MCF2L: variants seen among roughly 807,000 people sequenced by gnomAD.
The protein encoded by MCF2L is guanine nucleotide exchange factor DBS.
In MCF2L, 97 loss-of-function variants were observed where a neutral mutation model predicts 153.4. That is an observed-to-expected ratio of 0.63 (90% CI 0.54 to 0.75). The LOEUF (loss-of-function observed/expected upper bound fraction) is 0.75, where lower values mean the gene tolerates loss of function less well. MCF2L is among the 30% of genes least tolerant of loss of function. The pLI is 0.00. For missense variants in MCF2L, 1,347 were observed against 1,495.2 expected, an observed-to-expected ratio of 0.90 and a Z score of 1.64; for synonymous variants, 659 against 632.2, an observed-to-expected ratio of 1.04 and a Z score of -0.64.
intron 2 of MCF2L, among the ~76,000 whole-genome samples, chr13:112,954,706 C>T (rs1193232906): frequency 6.6e-6 from 1 of 152,238 alleles, no homozygotes; most frequent in Non-Finnish European, 1.5e-5. Context: ...AGAACAGCTG[C>T]TCCAGGACCT....
chr13:112,975,824 C>T (rs2082194734), intron 1 of MCF2L, among the ~76,000 whole-genome samples: 1 of 152,242 alleles, frequency 6.6e-6, no homozygotes, highest in Non-Finnish European at 1.5e-5. Flanking sequence ...ATAGAGGTGA[C>T]ATCCGTGGTC....
At chr13:112,912,500 A>T (rs1471203655) in intron 2 of MCF2L, among the ~76,000 whole-genome samples, 1 of 152,028 alleles carries the variant, frequency 6.6e-6, no homozygotes, top group Non-Finnish European at 1.5e-5. Context: ...TATTTTTAGT[A>T]GAGACGGGGT....
intron 1 of MCF2L, among the ~76,000 whole-genome samples, chr13:113,003,263 G>A (rs1002591073): frequency 1.3e-5 from 2 of 151,546 alleles, no homozygotes; most frequent in African/African-American, 4.8e-5. Flanking sequence ...GGGTTTTGGG[G>A]TTGGCTTTGG....
intron 2 of MCF2L, chr13:112,917,264 G>C: frequency 2.2e-6 from 1 of 448,946 alleles, no homozygotes; most frequent in South Asian, 1.6e-5. Context: ...CCAGAGCCGC[G>C]TCATCCACTG....
chr13:113,041,943 T>G (rs1420212317), intron 3 of MCF2L, among the ~76,000 whole-genome samples: 6 of 152,172 alleles, frequency 3.9e-5, no homozygotes, highest in Admixed American at 1.3e-4. Flanking sequence ...GCTATGTGAC[T>G]TTGGGCAAGT....
At chr13:112,919,254 G>A (rs2081328800) in intron 2 of MCF2L, among the ~76,000 whole-genome samples, 1 of 133,502 alleles carries the variant, frequency 7.5e-6, no homozygotes, top group Admixed American at 8.6e-5. Context: ...CGCCCAGGCT[G>A]GAGTGCAGTG....
intron 1 of MCF2L, chr13:112,979,577 TG>T (rs1301424213): frequency 6.3e-6 from 10 of 1,585,984 alleles, no homozygotes; most frequent in Middle Eastern, 3.9e-4. Flanking sequence ...CCGAAGGCTG[TG>T]GCTCTAGCAT....
rs890469104 is a variant in MCF2L at position 112,926,910 on chromosome 13, T to C, written c.169+24539T>C. Among the ~76,000 whole-genome samples the C allele has an allele frequency of 6.1e-4, 93 of 152,202 alleles. 1 individual carries two copies. Among genetic ancestry groups the C allele is most frequent in the Admixed American group, 1.2e-3 (18 of 15,286 alleles). ...GAGTAGATTTAAGTGTTCCCACCAC[T>C]AAGAAATAAGCATATGAGTTAAGAC... On this transcript the variant is annotated intron_variant, in intron 2 of 29. Coordinates refer to the MCF2L transcript ENST00000375608.
intron 13 of MCF2L, 106 bp downstream of exon 13, chr13:113,077,317 A>C: frequency 2.3e-6 from 3 of 1,284,016 alleles, no homozygotes; most frequent in Non-Finnish European, 3.1e-6. Flanking sequence ...AACTGTCTCC[A>C]CACGCCTCCT....
chr13:112,899,326 C>A (rs2140489380), intron 1 of MCF2L, among the ~76,000 whole-genome samples: 1 of 152,338 alleles, frequency 6.6e-6, no homozygotes, highest in South Asian at 2.1e-4. Context: ...GACGGCTTCT[C>A]AAGGTTTTGC....
chr13:112,917,674 CT>C (rs2081308922), intron 2 of MCF2L: 1 of 167,198 alleles, frequency 6.0e-6, no homozygotes, highest in African/African-American at 2.4e-5. Flanking sequence ...GCAGTTCCCC[CT>C]GATGTTCTTT....
rs1340148524 is a variant in MCF2L, at chr13:112,943,894, G to A, written c.169+41523G>A. 6.6e-6 allele frequency among the ~76,000 whole-genome samples: 1 copy of A among 151,744 alleles called. No homozygotes were observed. Among genetic ancestry groups the A allele is most frequent in the Non-Finnish European group, 1.5e-5 (1 of 67,988 alleles). On this transcript the variant is annotated intron_variant, in intron 2 of 29. Transcript: ENST00000375608. The surrounding 1 kb of genome is among the most constrained non-coding windows in gnomAD (Gnocchi z 4.2). ...GGCCCCGAGAACTGAGAACTGAGAG[G>A]GAGACGCTCTCGGGCCTCTCAGACC...
At chr13:112,920,245 A>G (rs1424445435) in intron 2 of MCF2L, among the ~76,000 whole-genome samples, 1 of 152,186 alleles carries the variant, frequency 6.6e-6, no homozygotes, top group East Asian at 1.9e-4. Context: ...GTGTCTGTAG[A>G]GTACAGTTCT....
Position 112,951,267 on chromosome 13 carries a change from G to A in MCF2L, c.169+48896G>A, listed in dbSNP as rs1206166717. ...AAGTTGCTGGTGGGAATGTAAAATAGTATAGCCACTTTGGAAAACAATTTA... is the reference window on the plus strand; with the variant it reads ...AAGTTGCTGGTGGGAATGTAAAATAATATAGCCACTTTGGAAAACAATTTA... On this transcript the variant is annotated intron_variant, in intron 2 of 29. Coordinates refer to the MCF2L transcript ENST00000375608. This position sits in a 1 kb window ranked among gnomAD's most constrained non-coding sequence, Gnocchi z 4.8. 6.6e-6 allele frequency among the ~76,000 whole-genome samples: 1 copy of A among 152,188 alleles called. No homozygotes were observed. The highest frequency in any genetic ancestry group is 2.4e-5 in the African/African-American group (1 of 41,456).
At chr13:112,985,103 G>A (rs2082580884) in intron 1 of MCF2L, 8 of 279,928 alleles carry the variant, frequency 2.9e-5, no homozygotes, top group South Asian at 2.3e-4. Context: ...GGCAAGAATA[G>A]CTCAGGCTTG....
intron 2 of MCF2L, chr13:112,917,019 A>G (rs2081299422): frequency 6.4e-6 from 3 of 466,406 alleles, no homozygotes; most frequent in Non-Finnish European, 8.9e-6. Flanking sequence ...ATCCTCCCTC[A>G]TCGCCAAGTC....
Position 113,075,143 on chromosome 13 carries a change from G to T in MCF2L, c.1262G>T (p.Arg421Met), listed in dbSNP as rs773598641. 6.2e-7 allele frequency: 1 copy of T among 1,612,328 alleles called. No individual in the cohort carries two copies. The highest frequency in any genetic ancestry group is 1.7e-5 in the Admixed American group (1 of 60,018). The stretch of plus-strand genomic sequence containing the variant: ...TTCTCTGCGGAGATCGCAAGGAGGA[G>T]GGGGCTGCTCAGCAAGTCCCTGGAG... ...DQFSAEIARR[R>M]GLLSKSLELH... Residue 421 changes from arginine (R) to methionine (M), a missense_variant, in exon 11 of 30, where the codon AGG (arginine) becomes ATG (methionine). Arg to Met is a moderately conservative substitution (Grantham distance 91). Transcript: ENST00000535094.
At chr13:113,032,896 C>A (rs2085815027) in intron 3 of MCF2L, among the ~76,000 whole-genome samples, 1 of 152,180 alleles carries the variant, frequency 6.6e-6, no homozygotes, top group Non-Finnish European at 1.5e-5. Context: ...GCTTCCTGGC[C>A]CCTGTGATGT....
At chr13:112,923,542 G>A (rs1327929445) in intron 2 of MCF2L, among the ~76,000 whole-genome samples, 1 of 152,076 alleles carries the variant, frequency 6.6e-6, no homozygotes, top group Non-Finnish European at 1.5e-5. Context: ...GGGATTACAG[G>A]TGTGAGCCAC....
Sources: allele counts gnomAD v4.1 joint callset (sites outside exome capture counted in the v4.1 genomes callset), GRCh38; gene constraint gnomAD v4.1.1; non-coding constraint Gnocchi (gnomAD v3.1); transcripts MANE v1.5; gene names NCBI Gene and HGNC (gene_info 2026-07-23, HGNC 2026-07-21).